The following PDE11A variants were observed in gnomAD, a reference collection of about 807,000 sequenced individuals.
The protein encoded by PDE11A is dual 3',5'-cyclic-AMP and -GMP phosphodiesterase 11A.
In PDE11A, 100 loss-of-function variants were observed where a neutral mutation model predicts 100.5. The ratio of observed to expected loss-of-function variants is 1.00; its 90% confidence interval spans 0.85 to 1.18. The LOEUF (loss-of-function observed/expected upper bound fraction) is 1.18. Among genes scored for constraint, PDE11A ranks in the 50% most tolerant of loss-of-function variants. The probability of loss-of-function intolerance (pLI) is 0.00; values close to 1 mark genes in which losing one functional copy is unlikely to be tolerated. For synonymous variants in PDE11A, 381 were observed against 420.8 expected, an observed-to-expected ratio of 0.91 and a Z score of 1.16; for missense variants, 1,141 against 1,152.6, an observed-to-expected ratio of 0.99 and a Z score of 0.15.
chr2:177,931,158 A>AAAAAC (rs1163030441), intron 2 of PDE11A, among the ~76,000 whole-genome samples: 4 of 116,630 alleles, frequency 3.4e-5, no homozygotes, highest in Non-Finnish European at 3.6e-5. Context: ...CTCCGTCTCA[A>AAAAAC]AAAACAAAAC....
intron 2 of PDE11A, among the ~76,000 whole-genome samples, chr2:177,966,405 C>T (rs1269135279): frequency 2.0e-5 from 3 of 152,136 alleles, no homozygotes; most frequent in Non-Finnish European, 4.4e-5. Context: ...TGAGAGTGGA[C>T]ATTCTTGTCT....
At chr2:177,719,944 A>C (rs774414084) in intron 12 of PDE11A, among the ~76,000 whole-genome samples, 4 of 152,052 alleles carry the variant, frequency 2.6e-5, no homozygotes, top group Non-Finnish European at 5.9e-5. Flanking sequence ...ACTTAACATG[A>C]AGAGTCTGCT....
intron 2 of PDE11A, among the ~76,000 whole-genome samples, chr2:178,086,092 C>T (rs990507365): frequency 6.6e-6 from 1 of 152,170 alleles, no homozygotes; most frequent in Non-Finnish European, 1.5e-5. Context: ...TTCTCTCTCC[C>T]CATCTCCTGG....
At chr2:177,788,183 ACTGT>A (rs1297187895) in intron 9 of PDE11A, among the ~76,000 whole-genome samples, 1 of 151,794 alleles carries the variant, frequency 6.6e-6, no homozygotes, top group African/African-American at 2.4e-5. Context: ...ATTATAACAA[ACTGT>A]CTCTCAGACC....
intron 9 of PDE11A, among the ~76,000 whole-genome samples, chr2:177,798,273 A>G (rs923479958): frequency 1.3e-5 from 2 of 151,758 alleles, no homozygotes; most frequent in Admixed American, 1.3e-4. Context: ...TAACATATCT[A>G]CCTCTTTCTT....
chr2:177,792,166 C>T (rs937328544), intron 9 of PDE11A, among the ~76,000 whole-genome samples: 2 of 152,126 alleles, frequency 1.3e-5, no homozygotes, highest in African/African-American at 4.8e-5. Context: ...TTTTCTTAAT[C>T]ATATAGGTTA....
At chr2:177,651,848 G>A (rs1183080568) in intron 19 of PDE11A, among the ~76,000 whole-genome samples, 1 of 152,050 alleles carries the variant, frequency 6.6e-6, no homozygotes, top group African/African-American at 2.4e-5. Context: ...TGGTTCAGAT[G>A]CTGAAACTCC....
At chr2:177,868,236 G>C (rs1459797383) in intron 5 of PDE11A, among the ~76,000 whole-genome samples, 3 of 152,164 alleles carry the variant, frequency 2.0e-5, no homozygotes, top group Non-Finnish European at 4.4e-5. Flanking sequence ...TCACAGGGCT[G>C]TCTCATCTTA....
At position 177,689,452 on chromosome 2, in the gene PDE11A, G is replaced by A. The variant is rs550425468; in HGVS notation, c.2345+7880C>T. Among the ~76,000 whole-genome samples, 16 of 152,090 alleles carry A rather than the reference G, an allele frequency of 1.1e-4. No homozygotes were observed. The South Asian group carries it at 1.7e-3, about 16-fold the overall frequency. On this transcript the variant is annotated intron_variant, in intron 15 of 19. Coordinates refer to ENST00000286063, the MANE Select transcript of PDE11A (RefSeq NM_016953.4). ...GCAGGGTGCACAGATGTGTGGATGC[G>A]GTGAGTGGGTGCTTTTGGTCTTCTT...
chr2:177,996,587 A>G (rs1214416196), intron 2 of PDE11A, among the ~76,000 whole-genome samples: 1 of 152,056 alleles, frequency 6.6e-6, no homozygotes, highest in East Asian at 1.9e-4. Flanking sequence ...ATCATAATAT[A>G]TGGAAAAAAG....
rs1214178911 is a variant in PDE11A, at chr2:178,000,899, TG to T, written c.1071+13402del. Among the ~76,000 whole-genome samples, 3 of 152,206 alleles carry T rather than the reference TG, an allele frequency of 2.0e-5. No homozygotes were observed. In the East Asian group the frequency reaches 5.8e-4, roughly 29 times the overall value. Reference sequence around the variant, plus strand: ...TACATGTATATCAGGCCCATCTACCTGTTCATGGGTCCCAAAAGTGAAGATG... The same window carrying T: ...TACATGTATATCAGGCCCATCTACCTTTCATGGGTCCCAAAAGTGAAGATG... On this transcript the variant is annotated intron_variant, in intron 2 of 19. Transcript: ENST00000286063.
At chr2:177,917,066 A>G (rs1458023954) in intron 2 of PDE11A, among the ~76,000 whole-genome samples, 4 of 151,346 alleles carry the variant, frequency 2.6e-5, no homozygotes, top group African/African-American at 9.7e-5. Flanking sequence ...GTGAGCCACC[A>G]TGCCCGGCCA....
chr2:177,803,779 A>T (rs1310352160), intron 9 of PDE11A, among the ~76,000 whole-genome samples: 2 of 152,040 alleles, frequency 1.3e-5, no homozygotes, highest in Non-Finnish European at 2.9e-5. Context: ...TTCTCAACAA[A>T]TCAGACATAG....
intron 10 of PDE11A, among the ~76,000 whole-genome samples, chr2:177,739,246 A>G (rs1362647586): frequency 1.3e-5 from 2 of 152,152 alleles, no homozygotes; most frequent in African/African-American, 4.8e-5. Flanking sequence ...TGGTCCTGTT[A>G]CAACGTGCTG....
intron 1 of PDE11A, among the ~76,000 whole-genome samples, chr2:178,053,416 G>A (rs2086854667): frequency 1.3e-5 from 2 of 152,148 alleles, no homozygotes; most frequent in Admixed American, 6.5e-5. Flanking sequence ...CATACTGAAT[G>A]GGCAAAAACT....
rs201454521 is a variant in PDE11A, at chr2:177,817,930, G to T, written c.1577-5C>A. 16 of 1,378,106 alleles carry T rather than the reference G, an allele frequency of 1.2e-5. 1 individual carries two copies. In the Admixed American group the frequency reaches 2.3e-4, roughly 20 times the overall value. 85.4% of individuals were successfully genotyped at this position (1,378,106 alleles called of 1,614,324 possible). ...TGTTTAACACTTGAGCCACTCCTAT[G>T]GGGAAAGAGTGGATTATGTGGTCAT... On this transcript the variant is annotated splice_polypyrimidine_tract_variant and splice_region_variant and intron_variant, in intron 7 of 19. Coordinates refer to ENST00000286063, the MANE Select transcript of PDE11A (RefSeq NM_016953.4).
At chr2:177,881,793 A>C (rs2084347854) in intron 4 of PDE11A, among the ~76,000 whole-genome samples, 2 of 152,368 alleles carry the variant, frequency 1.3e-5, no homozygotes, top group African/African-American at 2.4e-5. Flanking sequence ...TAGAGTGAAT[A>C]GTTGCAATTG....
chr2:177,938,667 C>T (rs573016596), intron 2 of PDE11A, among the ~76,000 whole-genome samples: 6 of 152,190 alleles, frequency 3.9e-5, no homozygotes, highest in Non-Finnish European at 7.4e-5. Context: ...GGGAACCCAT[C>T]GTAGTGAGGT....
At chr2:177,649,027 A>C (rs938370814) in intron 19 of PDE11A, among the ~76,000 whole-genome samples, 1 of 152,196 alleles carries the variant, frequency 6.6e-6, no homozygotes, top group African/African-American at 2.4e-5. Context: ...AAATATGATC[A>C]TACTTATTTA....
Sources: allele counts gnomAD v4.1 joint callset (sites outside exome capture counted in the v4.1 genomes callset), GRCh38; gene constraint gnomAD v4.1.1; transcripts MANE v1.5; gene names NCBI Gene and HGNC (gene_info 2026-07-23, HGNC 2026-07-21).